The following MRE11 variants were observed in gnomAD, a reference collection of about 807,000 sequenced individuals.
The protein encoded by MRE11 is MRE11 double strand break repair nuclease.
In MRE11, 62 loss-of-function variants were observed where a neutral mutation model predicts 91.7. The observed-to-expected ratio is 0.68, with a 90% CI of 0.55 to 0.84. The LOEUF is 0.84. Among genes scored for constraint, MRE11 ranks in the 40% least tolerant of loss-of-function variants. The pLI, the probability that MRE11 is intolerant of heterozygous loss-of-function variation, is 0.00. For synonymous variants in MRE11, 273 were observed against 271.4 expected (o/e 1.01, Z -0.06); for missense variants, 796 against 852.9 (o/e 0.93, Z 0.83).
chr11:94,490,557 AC>A (rs1947258508), intron 3 of MRE11, among the ~76,000 whole-genome samples: 1 of 152,196 alleles, frequency 6.6e-6, no homozygotes, highest in African/African-American at 2.4e-5. Flanking sequence ...TTTGACAGTC[AC>A]CTTACATTTC....
chr11:94,450,290 T>C (rs1478369773), intron 14 of MRE11, among the ~76,000 whole-genome samples: 2 of 152,184 alleles, frequency 1.3e-5, no homozygotes, highest in Non-Finnish European at 2.9e-5. Flanking sequence ...GCTAATTCTG[T>C]GCTGGAAGTG....
At chr11:94,422,019 T>C (rs758082239) in intron 19 of MRE11, among the ~76,000 whole-genome samples, 3 of 152,208 alleles carry the variant, frequency 2.0e-5, no homozygotes, top group Admixed American at 1.3e-4. Flanking sequence ...GTACACTTAA[T>C]AATGGTTAGT....
chr11:94,512,400 C>T, the MRE11 span: 2 of 1,057,534 alleles, frequency 1.9e-6, no homozygotes, highest in Non-Finnish European at 1.2e-6. Flanking sequence ...CCTAGGGCCT[C>T]GGAAGGCCGG....
chr11:94,428,537 T>C (rs2134781532), intron 19 of MRE11, among the ~76,000 whole-genome samples: 1 of 152,216 alleles, frequency 6.6e-6, no homozygotes, highest in Admixed American at 6.5e-5. Flanking sequence ...AATGGACAAG[T>C]AGGACCTCAT....
Position 94,416,972 on chromosome 11 carries a change from T to C in MRE11, c.*3153A>G, listed in dbSNP as rs1269322470. ...ATATTTCCAAAAAAGATATTTTACA[T>C]TTAGATACTTTTTTTTTTTTTGAGA... On this transcript the variant is annotated 3_prime_UTR_variant, in exon 20 of 20. Transcript: ENST00000323929. 6.6e-6 allele frequency: 1 copy of C among 151,644 alleles called. No homozygotes were observed. The allele number at this position is 151,644 out of a possible 1,614,324, so 9.4% of individuals were successfully genotyped here. A position where few individuals can be genotyped will look rare whatever the true frequency, so the allele number is the denominator to read the frequency against.
At chr11:94,463,986 G>A in intron 11 of MRE11, 127 bp downstream of exon 11, 1 of 1,022,826 alleles carries the variant, frequency 9.8e-7, no homozygotes, top group Non-Finnish European at 1.4e-6. Flanking sequence ...TATTCCCACT[G>A]TCAATTTGTT....
chr11:94,496,856 C>G (rs1947424182), upstream of MRE11: 1 of 1,611,446 alleles, frequency 6.2e-7, no homozygotes, highest in African/African-American at 1.4e-5. Context: ...AGATGAGGAG[C>G]AAGATGACAA....
chr11:94,490,881 A>G lies in MRE11; in HGVS notation c.105T>C (p.Asp35=). Residue 35 remains aspartate, a synonymous_variant, in exon 3 of 20, where the codon GAT becomes GAC. Transcript: ENST00000323929. ...FMEKDAVRGN[D]TFVTLDEILR... ...AAATTTCATCGAGTGTTACAAACGTATCATTTCCTCTGACTGCATCTTTCT... is the reference window on the plus strand; with the variant it reads ...AAATTTCATCGAGTGTTACAAACGTGTCATTTCCTCTGACTGCATCTTTCT... 1 of 1,612,930 alleles carries G rather than the reference A, an allele frequency of 6.2e-7. No individual in the cohort carries two copies. The highest frequency in any genetic ancestry group is 8.5e-7 in the Non-Finnish European group (1 of 1,179,170).
intron 10 of MRE11, chr11:94,466,346 C>T: frequency 3.2e-6 from 1 of 310,268 alleles, no homozygotes. Context: ...AAACTGGAGG[C>T]AGAGTCCTGG....
At chr11:94,442,491 A>C (rs1945808064) in intron 16 of MRE11, among the ~76,000 whole-genome samples, 1 of 152,178 alleles carries the variant, frequency 6.6e-6, no homozygotes, top group Admixed American at 6.5e-5. Context: ...ACAAAAAAGA[A>C]AAATAAAACA....
At position 94,493,185 on chromosome 11, in the gene MRE11, G is replaced by A. The variant is rs684507; in HGVS notation, c.-105-279C>T. Among the ~76,000 whole-genome samples, 75,819 of 151,832 alleles carry A rather than the reference G, an allele frequency of 0.5. 19,262 individuals carry two copies. The highest frequency in any genetic ancestry group is 0.6 in the South Asian group (2,908 of 4,816). On this transcript the variant is annotated intron_variant, in intron 1 of 19. Coordinates refer to ENST00000323929, the MANE Select transcript of MRE11 (RefSeq NM_005591.4). ...GGAAATTAATGTATGCTAAATAAAT[G>A]GGCAGAAAGGGTCACATACGGTTCT...
At chr11:94,459,960 G>A (rs1205042113) in intron 12 of MRE11, among the ~76,000 whole-genome samples, 1 of 152,184 alleles carries the variant, frequency 6.6e-6, no homozygotes, top group African/African-American at 2.4e-5. Flanking sequence ...CTGTAAAATA[G>A]GGAGAGTATC....
intron 1 of MRE11, among the ~76,000 whole-genome samples, chr11:94,493,204 C>A (rs1203667556): frequency 6.6e-6 from 1 of 152,114 alleles, no homozygotes; most frequent in African/African-American, 2.4e-5. Flanking sequence ...GGGTCACATA[C>A]GGTTCTGGTT....
chr11:94,482,941 T>C (rs1369848559), intron 4 of MRE11, among the ~76,000 whole-genome samples: 1 of 151,572 alleles, frequency 6.6e-6, no homozygotes, highest in Non-Finnish European at 1.5e-5. Flanking sequence ...TTCTCAAAAA[T>C]AAAAAATAAA....
chr11:94,429,999 A>C lies in MRE11; in HGVS notation c.1995-13T>G. The C allele has an allele frequency of 6.2e-7, 1 of 1,609,398 alleles. No homozygotes were observed. Among genetic ancestry groups the C allele is most frequent in the South Asian group, 1.1e-5 (1 of 90,876 alleles). On this transcript the variant is annotated splice_polypyrimidine_tract_variant and intron_variant, in intron 18 of 19. Transcript: ENST00000323929. ...TGTGCTGGACCACCTGAGGCAAAAC[A>C]AAAACAAAAACAAACACAATGAACT... is the stretch of plus-strand genomic sequence containing the variant.
chr11:94,433,334 TAAC>T (rs1348354176), intron 18 of MRE11, among the ~76,000 whole-genome samples: 1 of 152,244 alleles, frequency 6.6e-6, no homozygotes, highest in Admixed American at 6.5e-5. Context: ...ACTGCATTTA[TAAC>T]AACATCCAAT....
chr11:94,485,916 ATACT>A lies in MRE11; in HGVS notation c.314+4_314+7del. 12 of 1,610,478 alleles carry A rather than the reference ATACT, an allele frequency of 7.5e-6. No individual in the cohort carries two copies. The highest frequency in any genetic ancestry group is 2.2e-5 in the South Asian group (2 of 90,958). On this transcript the variant is annotated splice_donor_5th_base_variant and intron_variant, in intron 4 of 19. Transcript: ENST00000323929. ...TAATCACTCACTCAAGTAAATAAAT[ATACT>A]TACTTACTAAAACCAAAGTTGACTG...
At chr11:94,443,587 GAAACT>G (rs1166850790) in intron 16 of MRE11, among the ~76,000 whole-genome samples, 1 of 152,168 alleles carries the variant, frequency 6.6e-6, no homozygotes, top group African/African-American at 2.4e-5. Flanking sequence ...TATCAGATGA[GAAACT>G]TAAATCAGTA....
chr11:94,512,301 G>A, the MRE11 span: 2 of 397,634 alleles, frequency 5.0e-6, no homozygotes, highest in South Asian at 1.4e-4. Context: ...ATAAATTAAC[G>A]AGAAATTAAT....
Sources: allele counts gnomAD v4.1 joint callset (sites outside exome capture counted in the v4.1 genomes callset), GRCh38; gene constraint gnomAD v4.1.1; transcripts MANE v1.5; gene names NCBI Gene and HGNC (gene_info 2026-07-23, HGNC 2026-07-21).